Variants in PIK3CG observed in about 807,000 individuals in gnomAD.
PIK3CG encodes the protein phosphatidylinositol-4,5-bisphosphate 3-kinase catalytic subunit gamma, also known as phosphatidylinositol 4,5-bisphosphate 3-kinase catalytic subunit gamma isoform.
A neutral mutation model predicts 102.3 loss-of-function variants in PIK3CG; 55 were observed. The ratio of observed to expected loss-of-function variants is 0.54; its 90% CI spans 0.43 to 0.67. PIK3CG has a LOEUF of 0.67. Among genes scored for constraint, PIK3CG ranks in the 30% least tolerant of loss-of-function variants. PIK3CG has a pLI of 0.00. For synonymous variants in PIK3CG, 552 were observed against 540.0 expected (o/e 1.02, Z -0.31); for missense variants, 1,258 against 1,391.8 (o/e 0.90, Z 1.53).
intron 10 of PIK3CG, among the ~76,000 whole-genome samples, chr7:106,896,891 G>A (rs919651332): frequency 3.9e-5 from 6 of 152,248 alleles, no homozygotes; most frequent in Admixed American, 2.6e-4. Flanking sequence ...AATGACACAA[G>A]CCTGACCTCA....
At chr7:106,900,302 C>T (rs1791511456) in intron 10 of PIK3CG, among the ~76,000 whole-genome samples, 1 of 152,066 alleles carries the variant, frequency 6.6e-6, no homozygotes, top group African/African-American at 2.4e-5. Context: ...GAACCCATTA[C>T]CATTATGTAA....
rs760131668 is a variant in PIK3CG at position 106,880,244 on chromosome 7, G to T, written c.2538+579G>T. ...TTCTAGATAAACTTTAGCTTCACAA[G>T]TCTGTAAAGTAATATTCTCCAGATT... is the stretch of plus-strand genomic sequence containing the variant. On this transcript the variant is annotated intron_variant, in intron 6 of 10. Transcript: ENST00000496166. This position sits in a 1 kb window ranked among gnomAD's most constrained non-coding sequence, Gnocchi z 4.2. 1.1e-4 allele frequency among the ~76,000 whole-genome samples: 17 copies of T among 152,186 alleles called. No individual in the cohort carries two copies. Among genetic ancestry groups the T allele is most frequent in the Non-Finnish European group, 2.2e-4 (15 of 68,016 alleles).
chr7:106,871,677 T>C (rs926022527), intron 2 of PIK3CG, among the ~76,000 whole-genome samples: 1 of 151,466 alleles, frequency 6.6e-6, no homozygotes, highest in African/African-American at 2.4e-5. Context: ...ACAATGTTAG[T>C]GTTGCTGCTT....
At chr7:106,865,927 CTTCT>C (rs1443991541) in intron 1 of PIK3CG, among the ~76,000 whole-genome samples, 1 of 152,200 alleles carries the variant, frequency 6.6e-6, no homozygotes, top group African/African-American at 2.4e-5. Context: ...TTACAGTTCT[CTTCT>C]TTGTTAGTTA....
At chr7:106,900,287 G>C (rs984463587) in intron 10 of PIK3CG, among the ~76,000 whole-genome samples, 5 of 151,986 alleles carry the variant, frequency 3.3e-5, no homozygotes, top group Admixed American at 6.5e-5. Flanking sequence ...TCTTCTTGTT[G>C]AATTGAACCC....
chr7:106,886,157 C>T lies in PIK3CG; in HGVS notation c.2895C>T (p.Phe965=), dbSNP rs758101618. 6.2e-6 allele frequency: 10 copies of T among 1,613,860 alleles called. No homozygotes were observed. Among genetic ancestry groups the T allele is most frequent in the African/African-American group, 2.7e-5 (2 of 74,914 alleles). ...TETGNLFHID[F]GHILGNYKSF... ...AAGGAAACCTATTTCATATTGACTT[C>T]GGGCACATTCTTGGGAATTACAAAA... The change falls in exon 10 of 11, where the codon TTC becomes TTT. Residue 965 remains phenylalanine (F), a synonymous_variant. Transcript: ENST00000496166.
rs902659180 is a variant in PIK3CG, at chr7:106,868,592, A to G, written c.1031A>G (p.Lys344Arg). The G allele has an allele frequency of 4.3e-6, 7 of 1,614,110 alleles. No homozygotes were observed. Among genetic ancestry groups the G allele is most frequent in the African/African-American group, 1.3e-5 (1 of 74,948 alleles). Residue 344 changes from lysine to arginine, a missense_variant, in exon 2 of 11, where the codon AAG (lysine) becomes AGG (arginine). Lys to Arg is a conservative substitution (Grantham distance 26). This residue lies in a region of PIK3CG where 832 missense variants were observed against 787.5 expected (regional missense o/e 1.06). Transcript: ENST00000496166. The surrounding 1 kb of genome is among the most constrained non-coding windows in gnomAD (Gnocchi z 6.2). ...CATGAGCAGCTTACCATCCACGGCA[A>G]GGACCACGAGAGTGTGTTCACCGTG... ...GYHEQLTIHGKDHESVFTVSL... is the reference protein window; with the variant it reads ...GYHEQLTIHGRDHESVFTVSL...
rs1791300550 is a variant in PIK3CG at position 106,892,895 on chromosome 7, G to T, written c.3030+6603G>T. On this transcript the variant is annotated intron_variant, in intron 10 of 10. Transcript: ENST00000496166. This position sits in a 1 kb window ranked among gnomAD's most constrained non-coding sequence, Gnocchi z 5.2. ...CGAGCAAGTGCATGAAGTTAGAAAAGTACATACAATCAGTATTTAGGAACA... is the reference window on the plus strand; with the variant it reads ...CGAGCAAGTGCATGAAGTTAGAAAATTACATACAATCAGTATTTAGGAACA... Among the ~76,000 whole-genome samples the T allele has an allele frequency of 6.6e-6, 1 of 152,306 alleles. No homozygotes were observed. The highest frequency in any genetic ancestry group is 6.5e-5 in the Admixed American group (1 of 15,294).
chr7:106,866,639 A>G (rs1790294424), intron 1 of PIK3CG, among the ~76,000 whole-genome samples: 1 of 152,198 alleles, frequency 6.6e-6, no homozygotes, highest in Non-Finnish European at 1.5e-5. Flanking sequence ...TAATTAAACA[A>G]TGTTAAAATT....
At chr7:106,896,703 G>A (rs2116595320) in intron 10 of PIK3CG, among the ~76,000 whole-genome samples, 1 of 152,304 alleles carries the variant, frequency 6.6e-6, no homozygotes, top group East Asian at 1.9e-4. Flanking sequence ...TGAACAGGGA[G>A]GAAATGCAGA....
chr7:106,885,852 T>G (rs1428974593), intron 9 of PIK3CG, among the ~76,000 whole-genome samples: 2 of 152,146 alleles, frequency 1.3e-5, no homozygotes, highest in African/African-American at 2.4e-5. Context: ...CCAGAGAGTT[T>G]GATTTATGTT....
At position 106,868,195 on chromosome 7, in the gene PIK3CG, T is replaced by A. The variant is rs533928881; in HGVS notation, c.634T>A (p.Trp212Arg). The change falls in exon 2 of 11, where the codon TGG becomes AGG. Residue 212 changes from tryptophan to arginine, a missense_variant. By Grantham distance (101) the Trp-to-Arg change is moderately radical. This residue lies in a region of PIK3CG where 832 missense variants were observed against 787.5 expected (regional missense o/e 1.06). Coordinates refer to ENST00000496166, the MANE Select transcript of PIK3CG (RefSeq NM_001282426.2). This position sits in a 1 kb window ranked among gnomAD's most constrained non-coding sequence, Gnocchi z 6.2. ...GTCCAAGCCCCTCCCGGAGTACCTG[T>A]GGAAGAAGATTGCCAACAACTGCAT... ...VTSKPLPEYL[W>R]KKIANNCIFI... 6.2e-7 allele frequency: 1 copy of A among 1,612,378 alleles called. No homozygotes were observed. Among genetic ancestry groups the A allele is most frequent in the Non-Finnish European group, 8.5e-7 (1 of 1,180,026 alleles).
chr7:106,895,400 C>T lies in PIK3CG; in HGVS notation c.3030+9108C>T, dbSNP rs1584345275. 6.6e-6 allele frequency among the ~76,000 whole-genome samples: 1 copy of T among 152,354 alleles called. No individual in the cohort carries two copies. The highest frequency in any genetic ancestry group is 1.5e-5 in the Non-Finnish European group (1 of 68,030). On this transcript the variant is annotated intron_variant, in intron 10 of 10. Transcript: ENST00000496166. The surrounding 1 kb of genome is among the most constrained non-coding windows in gnomAD (Gnocchi z 5.4). Reference sequence around the variant, plus strand: ...CCAAGGTAGTGTCAGAACACTCCCACAGACCCTGTGGCTGAGTCCAAAAGG... The same window carrying T: ...CCAAGGTAGTGTCAGAACACTCCCATAGACCCTGTGGCTGAGTCCAAAAGG...
chr7:106,876,165 C>T (rs1431767648), intron 5 of PIK3CG, among the ~76,000 whole-genome samples: 15 of 151,760 alleles, frequency 9.9e-5, no homozygotes, highest in Non-Finnish European at 1.8e-4. Flanking sequence ...CCACCCGCCT[C>T]GGCCTCCCAA....
chr7:106,887,373 T>C (rs184232607), intron 10 of PIK3CG, among the ~76,000 whole-genome samples: 1 of 152,334 alleles, frequency 6.6e-6, no homozygotes, highest in African/African-American at 2.4e-5. Flanking sequence ...TGCTTTGCAT[T>C]GCACATCTCA....
rs1362544378 is a variant in PIK3CG, at chr7:106,891,504, G to A, written c.3030+5212G>A. On this transcript the variant is annotated intron_variant, in intron 10 of 10. Coordinates refer to ENST00000496166, the MANE Select transcript of PIK3CG (RefSeq NM_001282426.2). This position sits in a 1 kb window ranked among gnomAD's most constrained non-coding sequence, Gnocchi z 4.4. ...GTCAGAGCTGTACCTTTTGCCAAGA[G>A]AACAGGGCATGGAGTATATACACAT... 6.6e-6 allele frequency among the ~76,000 whole-genome samples: 1 copy of A among 152,146 alleles called. No individual in the cohort carries two copies. The highest frequency in any genetic ancestry group is 2.4e-5 in the African/African-American group (1 of 41,426).
intron 5 of PIK3CG, among the ~76,000 whole-genome samples, chr7:106,876,364 A>G (rs902689836): frequency 1.0e-4 from 15 of 149,848 alleles, no homozygotes; most frequent in African/African-American, 3.7e-4. Context: ...TTCTATTCAA[A>G]TATTTCACCA....
chr7:106,865,577 T>C (rs1195172508), intron 1 of PIK3CG, 151 bp downstream of exon 1: 1 of 152,226 alleles, frequency 6.6e-6, no homozygotes, highest in East Asian at 1.9e-4. Flanking sequence ...CAACCTGTAT[T>C]GTGGATATCT....
Position 106,867,551 on chromosome 7 carries a change from T to C in PIK3CG, c.-11T>C, listed in dbSNP as rs916866116. 3 of 1,534,794 alleles carry C rather than the reference T, an allele frequency of 2.0e-6. No homozygotes were observed. Among genetic ancestry groups the C allele is most frequent in the Non-Finnish European group, 2.6e-6 (3 of 1,142,796 alleles). Reference sequence around the variant, plus strand: ...ATCCCTGTGTCCCTCCGCTCCCAGGTCGCATAGGGCATGGAGCTGGAGAAC... The same window carrying C: ...ATCCCTGTGTCCCTCCGCTCCCAGGCCGCATAGGGCATGGAGCTGGAGAAC... On this transcript the variant is annotated splice_region_variant and 5_prime_UTR_variant, in exon 2 of 11. Coordinates refer to ENST00000496166, the MANE Select transcript of PIK3CG (RefSeq NM_001282426.2). The surrounding 1 kb of genome is among the most constrained non-coding windows in gnomAD (Gnocchi z 5.1).
Sources: allele counts gnomAD v4.1 joint callset (sites outside exome capture counted in the v4.1 genomes callset), GRCh38; gene constraint gnomAD v4.1.1; regional missense constraint gnomAD v4.1.1; non-coding constraint Gnocchi (gnomAD v3.1); transcripts MANE v1.5; gene names NCBI Gene and HGNC (gene_info 2026-07-23, HGNC 2026-07-21).